TRIM55: variants seen among roughly 807,000 people sequenced by gnomAD.
TRIM55 encodes the protein tripartite motif-containing protein 55.
In TRIM55, 50 loss-of-function variants were observed where a neutral mutation model predicts 60.9. That is an observed-to-expected ratio of 0.82 (90% CI 0.65 to 1.04). The LOEUF is 1.04. Ranked by LOEUF, TRIM55 falls within the 50% of genes least tolerant of loss-of-function variation. The probability of loss-of-function intolerance (pLI) is 0.00; values close to 1 mark genes in which losing one functional copy is unlikely to be tolerated. For missense variants in TRIM55, 681 were observed against 666.9 expected (o/e 1.02, Z -0.23); for synonymous variants, 237 against 238.1 (o/e 1.00, Z 0.04).
upstream of TRIM55, among the ~76,000 whole-genome samples, chr8:66,123,143 C>T (rs1449117445): frequency 6.6e-6 from 1 of 152,186 alleles, no homozygotes; most frequent in African/African-American, 2.4e-5. Context: ...ACTATAAATT[C>T]CAGGTCCTTA....
chr8:66,167,090 A>G (rs1388145159), intron 9 of TRIM55, among the ~76,000 whole-genome samples: 1 of 151,976 alleles, frequency 6.6e-6, no homozygotes, highest in Admixed American at 6.5e-5. Flanking sequence ...GGAGAGGCTG[A>G]CCCTGTCCCG....
Position 66,154,276 on chromosome 8 carries a change from C to T in TRIM55, c.1466C>T (p.Ala489Val), listed in dbSNP as rs150677263. ...AAGGCAGAAGTGGCAGCAGCCGCAG[C>T]GAGTGAGAGGGCAGCTGTGAGTGGT... is the stretch of plus-strand genomic sequence containing the variant. ...VRKAEVAAAA[A>V]SERAAVSGKE... Residue 489 changes from alanine to valine, a missense_variant, in exon 9 of 10, where the codon GCG becomes GTG. Physicochemically the swap from Ala to Val is moderately conservative, Grantham distance 64. Transcript: ENST00000315962. 9.6e-5 allele frequency: 155 copies of T among 1,614,082 alleles called. No homozygotes were observed. The East Asian group carries it at 2.2e-3, about 23-fold the overall frequency.
At chr8:66,144,052 T>C (rs1481054177) in intron 4 of TRIM55, among the ~76,000 whole-genome samples, 1 of 152,216 alleles carries the variant, frequency 6.6e-6, no homozygotes, top group Non-Finnish European at 1.5e-5. Context: ...CAGTTGCATA[T>C]TTTGTTTTTC....
Position 66,149,700 on chromosome 8 carries a change from G to T in TRIM55, c.659G>T (p.Gly220Val). The T allele has an allele frequency of 6.2e-7, 1 of 1,614,162 alleles. No individual in the cohort carries two copies. The highest frequency in any genetic ancestry group is 1.7e-5 in the Admixed American group (1 of 60,034). The change falls in exon 5 of 10, where the codon GGC (glycine) becomes GTC (valine). Residue 220 changes from glycine to valine, a missense_variant. By Grantham distance (109) the Gly-to-Val change is moderately radical. Transcript: ENST00000315962. ...ELCEKFDYLY[G>V]ILEERKNEMT... ...TGTGAGAAGTTTGATTACCTGTATG[G>T]CATTTTGGAGGAGAGGAAGAATGAA... is the stretch of plus-strand genomic sequence containing the variant.
intron 4 of TRIM55, among the ~76,000 whole-genome samples, chr8:66,141,639 C>G (rs1809824301): frequency 6.6e-6 from 1 of 152,238 alleles, no homozygotes; most frequent in Non-Finnish European, 1.5e-5. Context: ...CTTAAGGGCA[C>G]AGGCTGTTAA....
Position 66,154,052 on chromosome 8 carries a change from G to T in TRIM55, c.1242G>T (p.Glu414Asp). ...PAADAPVTQG[E>D]VVPTGSEQTT... ...ATTTATCTGTCCTGATTAAGGGGGA[G>T]GTTGTACCCACTGGCTCTGAGCAGA... is the stretch of plus-strand genomic sequence containing the variant. The change falls in exon 9 of 10, where the codon GAG becomes GAT. Residue 414 changes from glutamate to aspartate, a missense_variant. Transcript: ENST00000315962. 6.2e-7 allele frequency: 1 copy of T among 1,612,568 alleles called. No individual in the cohort carries two copies. Among genetic ancestry groups the T allele is most frequent in the Non-Finnish European group, 8.5e-7 (1 of 1,179,198 alleles).
intron 9 of TRIM55, among the ~76,000 whole-genome samples, chr8:66,168,968 C>T (rs1811469936): frequency 1.3e-5 from 2 of 152,168 alleles, no homozygotes; most frequent in Admixed American, 1.3e-4. Flanking sequence ...AGGAATGGAA[C>T]ACAAGACAGG....
chr8:66,119,542 G>T, the TRIM55 span, among the ~76,000 whole-genome samples: 1 of 152,216 alleles, frequency 6.6e-6, no homozygotes, highest in Non-Finnish European at 1.5e-5. Flanking sequence ...GGAATCTTCA[G>T]GATTCTTTGG....
upstream of TRIM55, chr8:66,127,118 C>T (rs1428659644): frequency 3.7e-6 from 3 of 803,232 alleles, no homozygotes; most frequent in African/African-American, 3.5e-5. Flanking sequence ...CTCCAGCACC[C>T]ACTCCAAACC....
rs141030773 is a variant in TRIM55, at chr8:66,141,358, G to A, written c.603+4168G>A. 1.8e-3 allele frequency among the ~76,000 whole-genome samples: 270 copies of A among 152,272 alleles called. 5 individuals carry two copies. Among genetic ancestry groups the A allele is most frequent in the Non-Finnish European group, 3.4e-4 (23 of 68,026 alleles). On this transcript the variant is annotated intron_variant, in intron 4 of 9. Transcript: ENST00000315962. ...TCTTGAGAGTGGCTTGGCCTAAGAC[G>A]TTCCCTGAACTCCGGACTGCAGGCT... is the stretch of plus-strand genomic sequence containing the variant.
chr8:66,173,218 G>C lies in TRIM55; in HGVS notation c.1525-1253G>C, dbSNP rs190938308. On this transcript the variant is annotated intron_variant, in intron 9 of 9. Coordinates refer to ENST00000315962, the MANE Select transcript of TRIM55 (RefSeq NM_184085.2). Reference sequence around the variant, plus strand: ...CCTATTTCAGTTTTATTCTACTGTGGCTAATATGATTTCATGGCCCTTTTT... The same window carrying C: ...CCTATTTCAGTTTTATTCTACTGTGCCTAATATGATTTCATGGCCCTTTTT... 4.8e-3 allele frequency among the ~76,000 whole-genome samples: 730 copies of C among 152,140 alleles called. 5 individuals carry two copies. The highest frequency in any genetic ancestry group is 6.0e-3 in the Non-Finnish European group (406 of 68,002).
chr8:66,171,694 T>C (rs1201740083), intron 9 of TRIM55, among the ~76,000 whole-genome samples: 1 of 152,160 alleles, frequency 6.6e-6, no homozygotes, highest in East Asian at 1.9e-4. Context: ...TTTAAGAAAC[T>C]ATTTGAAGGA....
chr8:66,124,077 C>T (rs11993015), upstream of TRIM55, among the ~76,000 whole-genome samples: 9,539 of 152,166 alleles, frequency 0.063, 425 homozygotes, highest in African/African-American at 0.11. Context: ...TACTCAGGCT[C>T]AGGCATCTGA....
At chr8:66,130,913 G>A (rs867156447) in intron 2 of TRIM55, among the ~76,000 whole-genome samples, 28 of 151,736 alleles carry the variant, frequency 1.8e-4, no homozygotes, top group African/African-American at 5.1e-4. Context: ...CACCCGCCTC[G>A]GCTTCCCAAA....
At chr8:66,153,939 C>T in intron 8 of TRIM55, 108 bp from the exon 9 acceptor site, 1 of 1,090,036 alleles carries the variant, frequency 9.2e-7, no homozygotes, top group Middle Eastern at 2.6e-4. Flanking sequence ...GCACTGCATG[C>T]AGGGAGCGCA....
intron 4 of TRIM55, among the ~76,000 whole-genome samples, chr8:66,149,378 C>A (rs867641871): frequency 6.6e-6 from 1 of 152,132 alleles, no homozygotes; most frequent in African/African-American, 2.4e-5. Flanking sequence ...ATGAAATTCT[C>A]CATTTATAAA....
chr8:66,170,376 T>A (rs1811556337), intron 9 of TRIM55, among the ~76,000 whole-genome samples: 1 of 152,226 alleles, frequency 6.6e-6, no homozygotes, highest in South Asian at 2.1e-4. Context: ...TAGCATAAGG[T>A]CCTCAAGGTT....
chr8:66,147,966 A>C (rs1236376194), intron 4 of TRIM55, among the ~76,000 whole-genome samples: 1 of 152,146 alleles, frequency 6.6e-6, no homozygotes, highest in Non-Finnish European at 1.5e-5. Context: ...CATGACATAA[A>C]AGACTTCAAT....
chr8:66,123,857 CTT>C (rs1411363292), upstream of TRIM55, among the ~76,000 whole-genome samples: 1 of 152,156 alleles, frequency 6.6e-6, no homozygotes, highest in East Asian at 1.9e-4. Context: ...CCCTCTGTCT[CTT>C]AAAAGAAAAT....
Sources: gnomAD v4.1 joint callset for allele counts (sites outside exome capture counted in the v4.1 genomes callset) on GRCh38, gnomAD v4.1.1 for gene constraint, MANE v1.5 for transcripts, NCBI Gene and HGNC (gene_info 2026-07-23, HGNC 2026-07-21) for gene names.